NMT1: variants seen among roughly 807,000 people sequenced by gnomAD.
NMT1 encodes the protein glycylpeptide N-tetradecanoyltransferase 1.
Under a neutral mutation model 63.4 loss-of-function variants are expected in NMT1, and 12 were observed. The ratio of observed to expected loss-of-function variants is 0.19; its 90% CI spans 0.12 to 0.31. NMT1 has a LOEUF of 0.31. Among genes scored for constraint, NMT1 ranks in the 10% least tolerant of loss-of-function variants. The pLI is 1.00. For synonymous variants in NMT1, 228 were observed against 234.3 expected (o/e 0.97, Z 0.25); for missense variants, 432 against 634.6 (o/e 0.68, Z 3.43).
Position 45,104,621 on chromosome 17 carries a change from T to C in NMT1, c.1333-238T>C, listed in dbSNP as rs2143525926. On this transcript the variant is annotated intron_variant, in intron 10 of 11. Coordinates refer to ENST00000258960, the MANE Select transcript of NMT1 (RefSeq NM_021079.5). The surrounding 1 kb of genome is among the most constrained non-coding windows in gnomAD (Gnocchi z 4.2). ...ATAGCAAGAGCCCCGGCCTGGACAC[T>C]GAGTACATATGTGTACACTCTGAGG... The C allele has an allele frequency of 1.5e-6, 2 of 1,315,318 alleles. No homozygotes were observed. Among genetic ancestry groups the C allele is most frequent in the South Asian group, 2.2e-5 (1 of 45,794 alleles). 81.5% of individuals were successfully genotyped at this position (1,315,318 alleles called of 1,614,324 possible). A position where few individuals can be genotyped will look rare whatever the true frequency, so the allele number is the denominator to read the frequency against.
intron 1 of NMT1, among the ~76,000 whole-genome samples, chr17:45,065,413 A>T (rs1396778638): frequency 6.6e-6 from 1 of 152,120 alleles, no homozygotes; most frequent in Non-Finnish European, 1.5e-5. Context: ...TCATGAGGTC[A>T]GGAGATCGAG....
Position 45,061,435 on chromosome 17 carries a change from GA to G in NMT1, c.107del (p.Glu36GlyfsTer11). ...GHEHCSDCEN[E>X]EDNSYNRGGL... is the part of the protein sequence containing the mutation. Reference sequence around the variant, plus strand: ...TGAGCACTGCAGCGATTGCGAGAATGAGGAGGACAACAGCTACAACCGGGGG... The same window carrying G: ...TGAGCACTGCAGCGATTGCGAGAATGGGAGGACAACAGCTACAACCGGGGG... On this transcript the variant is annotated frameshift_variant, in exon 1 of 12. Transcript: ENST00000258960. LOFTEE classifies it high-confidence loss of function. The G allele has an allele frequency of 6.2e-7, 1 of 1,613,824 alleles. No homozygotes were observed. The highest frequency in any genetic ancestry group is 8.5e-7 in the Non-Finnish European group (1 of 1,179,920).
intron 1 of NMT1, 41 bp from the exon 2 acceptor site, chr17:45,081,603 T>C: frequency 6.5e-7 from 1 of 1,536,232 alleles, no homozygotes; most frequent in African/African-American, 1.4e-5. Context: ...ACAAAACAGA[T>C]TTTTTTTAAA....
intron 1 of NMT1, among the ~76,000 whole-genome samples, chr17:45,069,269 T>TTTA (rs2053924357): frequency 2.2e-5 from 3 of 133,440 alleles, no homozygotes; most frequent in Non-Finnish European, 5.0e-5. Flanking sequence ...AGACTTTATT[T>TTTA]TTTATTATTT....
At chr17:45,070,566 C>T (rs889559996) in intron 1 of NMT1, among the ~76,000 whole-genome samples, 10 of 152,278 alleles carry the variant, frequency 6.6e-5, no homozygotes, top group Non-Finnish European at 1.5e-4. Flanking sequence ...TGTAGTCGCC[C>T]GTCACCACGC....
At chr17:45,062,231 A>T (rs2053868405) in intron 1 of NMT1, among the ~76,000 whole-genome samples, 1 of 152,192 alleles carries the variant, frequency 6.6e-6, no homozygotes, top group South Asian at 2.1e-4. Context: ...GTTCCTAGGG[A>T]TGAAGAAACA....
chr17:45,061,485 T>G, intron 1 of NMT1, 25 bp downstream of exon 1: 2 of 1,605,324 alleles, frequency 1.2e-6, no homozygotes, highest in Non-Finnish European at 1.7e-6. Context: ...GGAGTCCAAT[T>G]CCCGTCCAGC....
intron 2 of NMT1, among the ~76,000 whole-genome samples, chr17:45,081,989 T>G (rs1423870417): frequency 1.3e-5 from 2 of 152,208 alleles, no homozygotes; most frequent in Non-Finnish European, 2.9e-5. Context: ...CCCATCAGAA[T>G]GGACAGGTGC....
intron 6 of NMT1, among the ~76,000 whole-genome samples, chr17:45,097,757 G>T (rs1467093140): frequency 6.6e-6 from 1 of 152,116 alleles, no homozygotes; most frequent in East Asian, 1.9e-4. Flanking sequence ...CGATTCTCCT[G>T]CCTCAGCCTC....
chr17:45,108,711 G>A lies in NMT1; in HGVS notation c.*3072G>A, dbSNP rs960386125. 6.6e-6 allele frequency: 1 copy of A among 152,328 alleles called. No individual in the cohort carries two copies. The highest frequency in any genetic ancestry group is 2.1e-4 in the South Asian group (1 of 4,832). 9.4% of individuals were successfully genotyped at this position (152,328 alleles called of 1,614,324 possible). On this transcript the variant is annotated 3_prime_UTR_variant, in exon 12 of 12. Coordinates refer to ENST00000258960, the MANE Select transcript of NMT1 (RefSeq NM_021079.5). Reference sequence around the variant, plus strand: ...CTGATGGCCTGGCCCACCTTCCCCAGAACCAGGGGAGGCCTGAGGCTTCAG... The same window carrying A: ...CTGATGGCCTGGCCCACCTTCCCCAAAACCAGGGGAGGCCTGAGGCTTCAG...
intron 3 of NMT1, among the ~76,000 whole-genome samples, chr17:45,092,701 C>A (rs2143503089): frequency 1.0e-5 from 1 of 97,398 alleles, no homozygotes; most frequent in South Asian, 4.0e-4. Flanking sequence ...CAGAATGAGA[C>A]TGTCTCAAAA....
In NMT1 at chr17:45,108,600, G is replaced by A. The variant is rs1048382196; in HGVS notation, c.*2961G>A. On this transcript the variant is annotated 3_prime_UTR_variant, in exon 12 of 12. Coordinates refer to ENST00000258960, the MANE Select transcript of NMT1 (RefSeq NM_021079.5). ...ACAACTGCATGGAGCTGCACTCTAG[G>A]AGAAGGAGGGGAACCAGATGTTAGA... The A allele has an allele frequency of 2.0e-5, 3 of 152,664 alleles. No homozygotes were observed. The highest frequency in any genetic ancestry group is 2.9e-5 in the Non-Finnish European group (2 of 68,104). 9.5% of individuals were successfully genotyped at this position (152,664 alleles called of 1,614,324 possible). A position where few individuals can be genotyped will look rare whatever the true frequency, so the allele number is the denominator to read the frequency against.
At chr17:45,093,185 C>T (rs1396506256) in intron 3 of NMT1, among the ~76,000 whole-genome samples, 7 of 152,214 alleles carry the variant, frequency 4.6e-5, no homozygotes, top group South Asian at 2.1e-4. Flanking sequence ...AACTGGCTCA[C>T]GCTGCTGAAA....
intron 1 of NMT1, among the ~76,000 whole-genome samples, chr17:45,065,623 C>CA (rs397944011): frequency 0.35 from 28,423 of 81,422 alleles, 4,789 homozygotes; most frequent in African/African-American, 0.43. Context: ...GACTCTGTCT[C>CA]AAAAAAAAAA....
chr17:45,093,640 C>G (rs746436203), intron 3 of NMT1, 45 bp from the exon 4 acceptor site: 2 of 1,559,520 alleles, frequency 1.3e-6, no homozygotes, highest in African/African-American at 1.4e-5. Flanking sequence ...CTTTACTGCC[C>G]CGAGGGGGCA....
chr17:45,104,957 C>T lies in NMT1; in HGVS notation c.1431C>T (p.Tyr477=). Reference sequence around the variant, plus strand: ...TAGGGGACGGCAACCTGCAGTATTACCTTTACAATTGGAAATGCCCCAGCA... The same window carrying T: ...TAGGGGACGGCAACCTGCAGTATTATCTTTACAATTGGAAATGCCCCAGCA... The part of the protein sequence containing the change: ...FGIGDGNLQY[Y]LYNWKCPSMG... The change falls in exon 11 of 12, where the codon TAC becomes TAT. Residue 477 remains tyrosine, a synonymous_variant. Transcript: ENST00000258960. This position sits in a 1 kb window ranked among gnomAD's most constrained non-coding sequence, Gnocchi z 4.2. The T allele has an allele frequency of 6.2e-7, 1 of 1,614,194 alleles. No individual in the cohort carries two copies. Among genetic ancestry groups the T allele is most frequent in the Non-Finnish European group, 8.5e-7 (1 of 1,180,034 alleles).
chr17:45,104,988 G>A lies in NMT1; in HGVS notation c.1462G>A (p.Ala488Thr). The stretch of plus-strand genomic sequence containing the variant: ...CAATTGGAAATGCCCCAGCATGGGG[G>A]CAGAGAAGGTAGGCGACACATAGCC... Reference protein sequence around the residue: ...LYNWKCPSMGAEKVGLVLQ With the variant: ...LYNWKCPSMGTEKVGLVLQ The change falls in exon 11 of 12, where the codon GCA becomes ACA. Residue 488 changes from alanine (A) to threonine (T), a missense_variant. Physicochemically the swap from Ala to Thr is moderately conservative, Grantham distance 58 (BLOSUM62 0). Coordinates refer to ENST00000258960, the MANE Select transcript of NMT1 (RefSeq NM_021079.5). This position sits in a 1 kb window ranked among gnomAD's most constrained non-coding sequence, Gnocchi z 4.2. 6.2e-7 allele frequency: 1 copy of A among 1,614,162 alleles called. No individual in the cohort carries two copies. The highest frequency in any genetic ancestry group is 8.5e-7 in the Non-Finnish European group (1 of 1,180,028).
rs889109682 is a variant in NMT1, at chr17:45,096,068, T to C, written c.505-126T>C. The C allele has an allele frequency of 2.0e-5, 14 of 701,454 alleles. No individual in the cohort carries two copies. The African/African-American group carries it at 2.3e-4, about 12-fold the overall frequency. The allele number at this position is 701,454 out of a possible 1,614,324, so 43.5% of individuals were successfully genotyped here. A position where few individuals can be genotyped will look rare whatever the true frequency, so the allele number is the denominator to read the frequency against. On this transcript the variant is annotated intron_variant, in intron 4 of 11. Coordinates refer to ENST00000258960, the MANE Select transcript of NMT1 (RefSeq NM_021079.5). ...CTACCATGCCAGGGGGCAGAAGGAT[T>C]TGTGAGACTCCACGTCGTTTTTGGT... is the stretch of plus-strand genomic sequence containing the variant.
At chr17:45,089,502 C>CG (rs1323328816) in intron 3 of NMT1, among the ~76,000 whole-genome samples, 1 of 151,968 alleles carries the variant, frequency 6.6e-6, no homozygotes, top group Non-Finnish European at 1.5e-5. Flanking sequence ...CCACCACGCC[C>CG]GGCTAATTTT....
Sources: allele counts gnomAD v4.1 joint callset (sites outside exome capture counted in the v4.1 genomes callset), GRCh38; gene constraint gnomAD v4.1.1; non-coding constraint Gnocchi (gnomAD v3.1); transcripts MANE v1.5; gene names NCBI Gene and HGNC (gene_info 2026-07-23, HGNC 2026-07-21).